The following FAM168A variants were observed in gnomAD, a reference collection of about 807,000 sequenced individuals.
The protein encoded by FAM168A is family with sequence similarity 168 member A.
A neutral mutation model predicts 28.5 loss-of-function variants in FAM168A; 3 were observed. The ratio of observed to expected loss-of-function variants is 0.11; its 90% confidence interval spans 0.05 to 0.27. The LOEUF (loss-of-function observed/expected upper bound fraction) is 0.27, where lower values mean the gene tolerates loss of function less well. Among genes scored for constraint, FAM168A ranks in the 10% least tolerant of loss-of-function variants. The pLI is 1.00. For missense variants in FAM168A, 222 were observed against 311.5 expected, an observed-to-expected ratio of 0.71 and a Z score of 2.16; for synonymous variants, 122 against 124.2, an observed-to-expected ratio of 0.98 and a Z score of 0.12.
At chr11:73,517,961 A>C (rs1426411482) in intron 1 of FAM168A, among the ~76,000 whole-genome samples, 2 of 152,252 alleles carry the variant, frequency 1.3e-5, no homozygotes, top group African/African-American at 4.8e-5. Context: ...CCTTGCAGGC[A>C]GGAGCAAAGG....
chr11:73,419,260 C>G (rs1195234631), intron 4 of FAM168A, among the ~76,000 whole-genome samples: 1 of 152,182 alleles, frequency 6.6e-6, no homozygotes, highest in African/African-American at 2.4e-5. Context: ...TTCTGGCCTC[C>G]CTGAAGACTC....
chr11:73,535,157 ACCTTTTTTTTTTCTTT>A (rs1468597707), intron 1 of FAM168A, among the ~76,000 whole-genome samples: 1 of 150,696 alleles, frequency 6.6e-6, no homozygotes, highest in African/African-American at 2.4e-5. Flanking sequence ...TGTATTTAAA[ACCTTTTTTTTTTCTTT>A]TTTTTACAGA....
intron 2 of FAM168A, among the ~76,000 whole-genome samples, chr11:73,442,891 G>A (rs1339576291): frequency 7.3e-6 from 1 of 137,242 alleles, no homozygotes; most frequent in East Asian, 2.1e-4. Flanking sequence ...TAAAGGAAAG[G>A]AGAGGAAGTG....
intron 1 of FAM168A, among the ~76,000 whole-genome samples, chr11:73,484,180 AC>A (rs1264214789): frequency 6.6e-6 from 1 of 152,094 alleles, no homozygotes; most frequent in Non-Finnish European, 1.5e-5. Flanking sequence ...ATATACCATA[AC>A]TGTTAACATC....
intron 2 of FAM168A, among the ~76,000 whole-genome samples, chr11:73,438,520 G>A (rs760888542): frequency 1.3e-5 from 2 of 152,150 alleles, no homozygotes; most frequent in Non-Finnish European, 2.9e-5. Context: ...AATTTACTGC[G>A]TGCGGGGAAA....
At chr11:73,538,511 C>T (rs1943611419) in intron 1 of FAM168A, among the ~76,000 whole-genome samples, 2 of 152,184 alleles carry the variant, frequency 1.3e-5, no homozygotes, top group South Asian at 4.1e-4. Flanking sequence ...TGGTAAATTA[C>T]TGCCAGTCAG....
At chr11:73,563,143 T>A (rs902408586) in intron 1 of FAM168A, among the ~76,000 whole-genome samples, 1 of 152,174 alleles carries the variant, frequency 6.6e-6, no homozygotes, top group Non-Finnish European at 1.5e-5. Flanking sequence ...CAGGCCAGGA[T>A]TTCATCCCCA....
intron 2 of FAM168A, among the ~76,000 whole-genome samples, chr11:73,466,462 T>A (rs1272542074): frequency 1.3e-5 from 2 of 152,224 alleles, no homozygotes; most frequent in African/African-American, 2.4e-5. Context: ...ATAGTTTTTT[T>A]ATCTATAAAA....
At chr11:73,486,024 A>G (rs1868048478) in intron 1 of FAM168A, among the ~76,000 whole-genome samples, 1 of 152,192 alleles carries the variant, frequency 6.6e-6, no homozygotes, top group East Asian at 1.9e-4. Flanking sequence ...CCAATACCTT[A>G]GAATCAGCTT....
At chr11:73,426,734 TA>T (rs1426631434) in intron 3 of FAM168A, among the ~76,000 whole-genome samples, 2 of 151,158 alleles carry the variant, frequency 1.3e-5, no homozygotes, top group African/African-American at 4.9e-5. Context: ...TGTGTGTGTG[TA>T]AGTAACTCAA....
chr11:73,512,794 A>G (rs939627789), intron 1 of FAM168A, among the ~76,000 whole-genome samples: 4 of 152,170 alleles, frequency 2.6e-5, no homozygotes, highest in Non-Finnish European at 5.9e-5. Context: ...AGCTAGCTAG[A>G]CAGATAGAAA....
intron 1 of FAM168A, among the ~76,000 whole-genome samples, chr11:73,529,160 C>A (rs541152630): frequency 2.6e-5 from 4 of 152,284 alleles, no homozygotes; most frequent in African/African-American, 9.6e-5. Flanking sequence ...TTGCCCAGCC[C>A]CCCAAACAGC....
intron 3 of FAM168A, among the ~76,000 whole-genome samples, chr11:73,427,657 A>G (rs914589407): frequency 1.3e-5 from 2 of 152,220 alleles, no homozygotes; most frequent in Middle Eastern, 3.2e-3. Flanking sequence ...GTTTATTGCA[A>G]TATGCAACAA....
chr11:73,561,951 T>C (rs993722233), intron 1 of FAM168A, among the ~76,000 whole-genome samples: 2 of 152,184 alleles, frequency 1.3e-5, no homozygotes, highest in Non-Finnish European at 2.9e-5. Flanking sequence ...ATTTTCTTTT[T>C]TTTTTTCCAA....
chr11:73,511,694 G>C (rs955539877), intron 1 of FAM168A, among the ~76,000 whole-genome samples: 1 of 152,132 alleles, frequency 6.6e-6, no homozygotes, highest in African/African-American at 2.4e-5. Flanking sequence ...TCAGAGTCAG[G>C]TTCAATCTAA....
chr11:73,569,179 G>A (rs778654085), intron 1 of FAM168A, among the ~76,000 whole-genome samples: 54 of 152,118 alleles, frequency 3.5e-4, no homozygotes, highest in Non-Finnish European at 5.6e-4. Context: ...GACTAAGAAC[G>A]AAGCAATCAG....
chr11:73,471,385 C>CAA (rs2134580511), intron 1 of FAM168A, among the ~76,000 whole-genome samples: 1 of 152,174 alleles, frequency 6.6e-6, no homozygotes, highest in South Asian at 2.1e-4. Context: ...ATGACAGGTT[C>CAA]ATTAAAGTAT....
At chr11:73,449,152 G>C (rs2134544269) in intron 2 of FAM168A, among the ~76,000 whole-genome samples, 1 of 151,858 alleles carries the variant, frequency 6.6e-6, no homozygotes, top group East Asian at 1.9e-4. Flanking sequence ...TTTTTTTTTG[G>C]AGAGCCAGGG....
chr11:73,538,069 G>GA (rs1276925932), intron 1 of FAM168A, among the ~76,000 whole-genome samples: 1 of 152,112 alleles, frequency 6.6e-6, no homozygotes, highest in East Asian at 1.9e-4. Context: ...TTTCAGAGAT[G>GA]AAAAAACTAT....
Sources: gnomAD v4.1 joint callset for allele counts (sites outside exome capture counted in the v4.1 genomes callset) on GRCh38, gnomAD v4.1.1 for gene constraint, MANE v1.5 for transcripts, NCBI Gene and HGNC (gene_info 2026-07-23, HGNC 2026-07-21) for gene names.